ABCA4: variants seen among roughly 807,000 people sequenced by gnomAD.
ABCA4 encodes the protein ATP binding cassette subfamily A member 4.
ABCA4 carries 196 observed loss-of-function variants against 263.7 expected under a neutral mutation model. That is an observed-to-expected ratio of 0.74 (90% CI 0.66 to 0.84). The LOEUF (loss-of-function observed/expected upper bound fraction) is 0.84. Among genes scored for constraint, ABCA4 ranks in the 40% least tolerant of loss-of-function variants. The probability of loss-of-function intolerance (pLI) is 0.00; values close to 1 mark genes in which losing one functional copy is unlikely to be tolerated. For synonymous variants in ABCA4, 1,133 were observed against 1,094.2 expected (o/e 1.04, Z -0.70); for missense variants, 2,792 against 2,855.1 (o/e 0.98, Z 0.50).
chr1:94,014,194 AAAGAAGG>A (rs1441370800), intron 38 of ABCA4, among the ~76,000 whole-genome samples: 1 of 119,618 alleles, frequency 8.4e-6, no homozygotes, highest in African/African-American at 3.1e-5. Context: ...AAGAAGGAAG[AAAGAAGG>A]AAGGATGGAG....
At position 93,998,905 on chromosome 1, in the gene ABCA4, A is replaced by AC. The variant is rs1659095811; in HGVS notation, c.6480-796_6480-795insG. On this transcript the variant is annotated intron_variant, in intron 47 of 49. Coordinates refer to ENST00000370225, the MANE Select transcript of ABCA4 (RefSeq NM_000350.3). ...AGGCACCTGCCACCACACTCGGCTA[A>AC]TTTTTTTTTTTTTTTTTGTATTTTT... Among the ~76,000 whole-genome samples the AC allele has an allele frequency of 5.2e-5, 7 of 135,796 alleles. No homozygotes were observed. In the South Asian group the frequency reaches 1.7e-3, roughly 32 times the overall value. 89.1% of individuals were successfully genotyped at this position (135,796 alleles called of 152,430 possible).
intron 14 of ABCA4, among the ~76,000 whole-genome samples, chr1:94,057,806 T>G (rs1438018735): frequency 6.6e-6 from 1 of 152,242 alleles, no homozygotes; most frequent in Non-Finnish European, 1.5e-5. Flanking sequence ...TCAAAGGTAT[T>G]AGACCTTCTT....
intron 36 of ABCA4, among the ~76,000 whole-genome samples, chr1:94,017,112 AAATAAATGGATG>A: frequency 6.6e-6 from 1 of 152,236 alleles, no homozygotes; most frequent in African/African-American, 2.4e-5. Flanking sequence ...ATACAGAGAT[AAATAAATGGATG>A]AATAAATGGA....
At chr1:94,099,667 C>T (rs1404236126) in intron 5 of ABCA4, among the ~76,000 whole-genome samples, 1 of 152,146 alleles carries the variant, frequency 6.6e-6, no homozygotes, top group East Asian at 1.9e-4. Flanking sequence ...GATGCCCAGT[C>T]GAATCTGAAT....
chr1:94,083,502 T>G, intron 6 of ABCA4, 61 bp from the exon 7 acceptor site: 3 of 1,303,472 alleles, frequency 2.3e-6, no homozygotes, highest in Non-Finnish European at 3.3e-6. Context: ...TATACACACA[T>G]AGGCACAGTC....
chr1:94,012,914 G>GC (rs752660123), intron 38 of ABCA4, among the ~76,000 whole-genome samples: 7 of 152,190 alleles, frequency 4.6e-5, no homozygotes, highest in Non-Finnish European at 1.0e-4. Flanking sequence ...TCTCACACGG[G>GC]CCGGCAGCTG....
Position 94,015,792 on chromosome 1 carries a change from G to C in ABCA4, c.5259C>G (p.Ala1753=). 1 of 1,613,982 alleles carries C rather than the reference G, an allele frequency of 6.2e-7. No homozygotes were observed. Among genetic ancestry groups the C allele is most frequent in the Non-Finnish European group, 8.5e-7 (1 of 1,180,006 alleles). Residue 1753 remains alanine, a synonymous_variant, in exon 37 of 50, where the codon GCC becomes GCG. Coordinates refer to ENST00000370225, the MANE Select transcript of ABCA4 (RefSeq NM_000350.3). ...VGIFIGFQKK[A]YTSPENLPAL... ...CAGGAAGGTTTTCTGGAGAAGTGTA[G>C]GCTTTCTTCTGAAACCCGATGAAGA... is the stretch of plus-strand genomic sequence containing the variant.
In ABCA4 at chr1:94,095,673, T is replaced by A. The variant is rs192693133; in HGVS notation, c.768+3121A>T. ...TTCTGGGCCTGCCTCAGGCTTGTTTTTCTAAAAACCCAAATAGGATGGGCC... is the reference window on the plus strand; with the variant it reads ...TTCTGGGCCTGCCTCAGGCTTGTTTATCTAAAAACCCAAATAGGATGGGCC... On this transcript the variant is annotated intron_variant, in intron 6 of 49. Transcript: ENST00000370225. 3.5e-3 allele frequency among the ~76,000 whole-genome samples: 535 copies of A among 152,056 alleles called. 14 individuals carry two copies. Among genetic ancestry groups the A allele is most frequent in the Admixed American group, 0.031 (470 of 15,284 alleles).
intron 40 of ABCA4, 56 bp downstream of exon 40, chr1:94,010,744 G>A (rs1416002004): frequency 6.2e-7 from 1 of 1,613,188 alleles, no homozygotes; most frequent in Non-Finnish European, 8.5e-7. Flanking sequence ...TGGGTATAAG[G>A]TCCAGTTCTG....
Position 94,062,574 on chromosome 1 carries a change from C to A in ABCA4, c.1937+3G>T, listed in dbSNP as rs770529608. 6.2e-7 allele frequency: 1 copy of A among 1,608,104 alleles called. No individual in the cohort carries two copies. The highest frequency in any genetic ancestry group is 8.5e-7 in the Non-Finnish European group (1 of 1,176,446). On this transcript the variant is annotated splice_donor_region_variant and intron_variant, in intron 13 of 49. Coordinates refer to ENST00000370225, the MANE Select transcript of ABCA4 (RefSeq NM_000350.3). Reference sequence around the variant, plus strand: ...GGAGGAGGATCGCGAACTTCAGACTCACGAATCGTCCACGAAGCAGGGGTA... The same window carrying A: ...GGAGGAGGATCGCGAACTTCAGACTAACGAATCGTCCACGAAGCAGGGGTA...
intron 44 of ABCA4, 83 bp from the exon 45 acceptor site, chr1:94,002,075 ATC>A: frequency 6.3e-7 from 1 of 1,597,418 alleles, no homozygotes. Flanking sequence ...GGGCTCCCAG[ATC>A]TCACGCCTCC....
chr1:94,102,341 A>G (rs1471487789), intron 5 of ABCA4, among the ~76,000 whole-genome samples: 1 of 152,034 alleles, frequency 6.6e-6, no homozygotes, highest in African/African-American at 2.4e-5. Context: ...GCAGCATCTC[A>G]GGTTCTGTAG....
At chr1:94,088,727 G>T (rs1278038036) in intron 6 of ABCA4, among the ~76,000 whole-genome samples, 3 of 152,170 alleles carry the variant, frequency 2.0e-5, no homozygotes, top group Non-Finnish European at 4.4e-5. Flanking sequence ...GTAACCAAGG[G>T]ACATCTGAAA....
chr1:94,002,840 G>C (rs1045786969), intron 44 of ABCA4, among the ~76,000 whole-genome samples: 4 of 152,158 alleles, frequency 2.6e-5, no homozygotes, highest in African/African-American at 9.6e-5. Flanking sequence ...CTAATGTACT[G>C]GATATTTTAC....
chr1:94,098,680 T>C, intron 6 of ABCA4, 114 bp downstream of exon 6: 2 of 1,269,132 alleles, frequency 1.6e-6, no homozygotes, highest in Non-Finnish European at 2.3e-6. Context: ...GCCTGGAGCT[T>C]TTGCAAGGAT....
At chr1:94,046,863 T>C in intron 19 of ABCA4, 56 bp downstream of exon 19, 1 of 1,596,352 alleles carries the variant, frequency 6.3e-7, no homozygotes. Flanking sequence ...AGGGAAAGAC[T>C]AAGCCAGGAA....
At chr1:94,119,204 T>G (rs557463776) in intron 1 of ABCA4, among the ~76,000 whole-genome samples, 2 of 152,136 alleles carry the variant, frequency 1.3e-5, no homozygotes, top group Non-Finnish European at 2.9e-5. Context: ...AGGATTTTCA[T>G]GCAAGAAGGG....
rs576031535 is a variant in ABCA4 at position 94,097,861 on chromosome 1, G to A, written c.768+933C>T. 1.7e-3 allele frequency among the ~76,000 whole-genome samples: 255 copies of A among 152,188 alleles called. 1 individual carries two copies. The highest frequency in any genetic ancestry group is 5.9e-3 in the African/African-American group (243 of 41,520). ...GCCTCCCGGGTTCACGCCATTCTCC[G>A]GCCTCAGCCTCCTCAGTAGCTGGGA... On this transcript the variant is annotated intron_variant, in intron 6 of 49. Coordinates refer to ENST00000370225, the MANE Select transcript of ABCA4 (RefSeq NM_000350.3).
intron 7 of ABCA4, among the ~76,000 whole-genome samples, chr1:94,082,266 G>T (rs958675029): frequency 1.2e-4 from 18 of 152,170 alleles, no homozygotes; most frequent in Admixed American, 1.1e-3. Flanking sequence ...AGGTCAAATG[G>T]TGTAATACCA....
Sources: gnomAD v4.1 joint callset for allele counts (sites outside exome capture counted in the v4.1 genomes callset) on GRCh38, gnomAD v4.1.1 for gene constraint, MANE v1.5 for transcripts, NCBI Gene and HGNC (gene_info 2026-07-23, HGNC 2026-07-21) for gene names.